MACF1: variants seen among roughly 807,000 people sequenced by gnomAD.
The protein encoded by MACF1 is microtubule-actin cross-linking factor 1.
Under a neutral mutation model 854.8 loss-of-function variants are expected in MACF1, and 193 were observed. The ratio of observed to expected loss-of-function variants is 0.23; its 90% confidence interval spans 0.20 to 0.25. The LOEUF (loss-of-function observed/expected upper bound fraction) is 0.25, where lower values mean the gene tolerates loss of function less well. MACF1 is among the 10% of genes least tolerant of loss of function. The pLI, the probability that MACF1 is intolerant of heterozygous loss-of-function variation, is 1.00. For missense variants in MACF1, 7,722 were observed against 8,929.1 expected (o/e 0.86, Z 5.45); for synonymous variants, 3,185 against 3,226.7 (o/e 0.99, Z 0.44).
chr1:39,117,233 G>GT (rs1299820804), intron 2 of MACF1, among the ~76,000 whole-genome samples: 16 of 151,350 alleles, frequency 1.1e-4, no homozygotes, highest in Admixed American at 4.0e-4. Flanking sequence ...TACTTGCTTG[G>GT]TTTTTTTTCA....
At chr1:39,175,419 C>G (rs566523990) in intron 2 of MACF1, among the ~76,000 whole-genome samples, 4 of 152,242 alleles carry the variant, frequency 2.6e-5, no homozygotes, top group African/African-American at 7.2e-5. Flanking sequence ...TGTGAAGAGG[C>G]ACACCGGACT....
chr1:39,244,122 GGGGACAGAGTCTCACTCT>G (rs1408122077), intron 2 of MACF1, among the ~76,000 whole-genome samples: 1 of 151,318 alleles, frequency 6.6e-6, no homozygotes, highest in African/African-American at 2.4e-5. Context: ...TTTTTTTGGG[GGGGACAGAGTCTCACTCT>G]GTTGCTCAGG....
intron 93 of MACF1, 84 bp from the exon 94 acceptor site, chr1:39,463,528 T>G: frequency 3.3e-6 from 3 of 902,092 alleles, no homozygotes; most frequent in East Asian, 5.0e-5. Flanking sequence ...ATAGCCTCCC[T>G]GTTAATGTAT....
chr1:39,309,992 A>T (rs922830186), intron 24 of MACF1, among the ~76,000 whole-genome samples: 4 of 152,218 alleles, frequency 2.6e-5, no homozygotes, highest in African/African-American at 7.2e-5. Flanking sequence ...AATATGTAGT[A>T]GGTGAATACT....
intron 58 of MACF1, among the ~76,000 whole-genome samples, chr1:39,419,115 G>A (rs1209125823): frequency 1.3e-5 from 2 of 152,162 alleles, no homozygotes; most frequent in Non-Finnish European, 2.9e-5. Context: ...AGCTTTATTT[G>A]GGAGTTGACA....
chr1:39,123,200 TA>T (rs1557467623), intron 2 of MACF1, among the ~76,000 whole-genome samples: 1 of 114,912 alleles, frequency 8.7e-6, no homozygotes, highest in African/African-American at 2.8e-5. Context: ...CATATATATA[TA>T]AATTTTTTTT....
chr1:39,155,974 G>A (rs1316453217), intron 2 of MACF1, among the ~76,000 whole-genome samples: 1 of 151,812 alleles, frequency 6.6e-6, no homozygotes, highest in East Asian at 1.9e-4. Context: ...TGCAAGCTTC[G>A]CCTCCCGGGT....
At chr1:39,153,002 C>CATCA (rs1412015678) in intron 2 of MACF1, among the ~76,000 whole-genome samples, 2 of 152,196 alleles carry the variant, frequency 1.3e-5, no homozygotes, top group Non-Finnish European at 2.9e-5. Context: ...TAAGCAGGCA[C>CATCA]TGATCTTTAG....
intron 2 of MACF1, among the ~76,000 whole-genome samples, chr1:39,165,991 A>G (rs976247846): frequency 1.3e-5 from 2 of 152,094 alleles, no homozygotes; most frequent in African/African-American, 2.4e-5. Context: ...CTGACAGGAT[A>G]CAAAGATTAT....
chr1:39,338,686 A>G lies in MACF1; in HGVS notation c.10215+1355A>G, dbSNP rs1474310115. ...CATTTATTGAAGGTAAATATTCCATACAGAAATCAGTAGGATTAACTGGAA... is the reference window on the plus strand; with the variant it reads ...CATTTATTGAAGGTAAATATTCCATGCAGAAATCAGTAGGATTAACTGGAA... On this transcript the variant is annotated intron_variant, in intron 38 of 100. Transcript: ENST00000564288. 8.5e-5 allele frequency among the ~76,000 whole-genome samples: 13 copies of G among 152,298 alleles called. No homozygotes were observed. In the South Asian group the frequency reaches 2.7e-3, roughly 32 times the overall value.
chr1:39,381,969 G>A lies in MACF1; in HGVS notation c.13665G>A (p.Arg4555=). The change falls in exon 56 of 101, where the codon AGG becomes AGA. Residue 4555 remains arginine (R), a synonymous_variant. Transcript: ENST00000564288. ...IQEELNSRWE[R]ATEVTVARQR... is the part of the protein sequence containing the mutation. ...TCTCTACAGATTCCCGATGGGAAAG[G>A]GCCACTGAGGTTACTGTGGCTCGGC... 1 of 1,613,600 alleles carries A rather than the reference G, an allele frequency of 6.2e-7. No homozygotes were observed. The highest frequency in any genetic ancestry group is 8.5e-7 in the Non-Finnish European group (1 of 1,179,714).
Position 39,303,026 on chromosome 1 carries a change from G to A in MACF1, c.2737G>A (p.Val913Ile). 6.2e-7 allele frequency: 1 copy of A among 1,614,222 alleles called. No homozygotes were observed. The highest frequency in any genetic ancestry group is 8.5e-7 in the Non-Finnish European group (1 of 1,180,020). The change falls in exon 23 of 101, where the codon GTC (valine) becomes ATC (isoleucine). Residue 913 changes from valine to isoleucine, a missense_variant. Transcript: ENST00000564288. ...AGGGAACGAGGCAATGGTGCCGTCAGTCTGCTTCCTCATCCCCCCACCCAA... is the reference window on the plus strand; with the variant it reads ...AGGGAACGAGGCAATGGTGCCGTCAATCTGCTTCCTCATCCCCCCACCCAA... ...PTGNEAMVPSVCFLIPPPNKD... is the reference protein window; with the variant it reads ...PTGNEAMVPSICFLIPPPNKD...
At position 39,347,175 on chromosome 1, in the gene MACF1, C is replaced by T. The variant is rs756367983; in HGVS notation, c.10780C>T (p.His3594Tyr). ...CGCTCAGGTGGATGCCTTGCAGGGC[C>T]ATCTTCAACAAATGGAGCAGGAAGC... Reference protein sequence around the residue: ...TAAQVDALQGHLQQMEQEALV... With the variant: ...TAAQVDALQGYLQQMEQEALV... Residue 3594 changes from histidine (H) to tyrosine (Y), a missense_variant, in exon 41 of 101, where the codon CAT becomes TAT. By Grantham distance (83) the His-to-Tyr change is moderately conservative (BLOSUM62 2). Coordinates refer to ENST00000564288, the MANE Select transcript of MACF1 (RefSeq NM_001394062.1). 23 of 1,613,816 alleles carry T rather than the reference C, an allele frequency of 1.4e-5. No homozygotes were observed. The South Asian group carries it at 1.8e-4, about 12-fold the overall frequency.
chr1:39,353,577 T>G (rs534018849), intron 44 of MACF1, among the ~76,000 whole-genome samples: 2 of 152,262 alleles, frequency 1.3e-5, no homozygotes, highest in East Asian at 3.9e-4. Flanking sequence ...ACTAATGAAT[T>G]CTGTGTATGC....
At chr1:39,093,305 C>CTTTTTTT (rs34921076) in intron 2 of MACF1, among the ~76,000 whole-genome samples, 2 of 54,122 alleles carry the variant, frequency 3.7e-5, no homozygotes, top group African/African-American at 7.1e-5. Context: ...TACTCCACTT[C>CTTTTTTT]TTTTTTTTTT....
intron 61 of MACF1, among the ~76,000 whole-genome samples, chr1:39,424,498 T>G (rs1041917239): frequency 5.3e-5 from 8 of 152,208 alleles, no homozygotes; most frequent in African/African-American, 1.9e-4. Flanking sequence ...AGCCGAGTTA[T>G]TTTCTGAGTT....
chr1:39,216,397 G>A (rs1338622162), intron 1 of MACF1, among the ~76,000 whole-genome samples: 2 of 152,166 alleles, frequency 1.3e-5, no homozygotes, highest in Non-Finnish European at 2.9e-5. Flanking sequence ...GGAACCACTG[G>A]TTTGGTAATC....
At chr1:39,176,836 A>T (rs1342750501) in intron 2 of MACF1, among the ~76,000 whole-genome samples, 3 of 152,218 alleles carry the variant, frequency 2.0e-5, no homozygotes, top group African/African-American at 7.2e-5. Flanking sequence ...TCTGATGTAC[A>T]GTTGAATGCC....
chr1:39,094,239 G>A lies in MACF1; in HGVS notation c.220+9801G>A, dbSNP rs140283890. Among the ~76,000 whole-genome samples, 760 of 152,114 alleles carry A rather than the reference G, an allele frequency of 5.0e-3. 10 individuals carry two copies. The highest frequency in any genetic ancestry group is 0.017 in the African/African-American group (712 of 41,502). ...GTGGGAGGCTCGCTTGAAGCCAGGA[G>A]TTCGAGACCAGCCTGGATAATATAG... is the stretch of plus-strand genomic sequence containing the variant. On this transcript the variant is annotated intron_variant, in intron 2 of 93. Coordinates refer to the MACF1 transcript ENST00000361689.
Sources: gnomAD v4.1 joint callset for allele counts (sites outside exome capture counted in the v4.1 genomes callset) on GRCh38, gnomAD v4.1.1 for gene constraint, MANE v1.5 for transcripts, NCBI Gene and HGNC (gene_info 2026-07-23, HGNC 2026-07-21) for gene names.